The following GSN variants were observed in gnomAD, a reference collection of about 807,000 sequenced individuals.
GSN encodes the protein gelsolin, also known as actin-depolymerizing factor.
A neutral mutation model predicts 85.7 loss-of-function variants in GSN; 56 were observed. That is an observed-to-expected ratio of 0.65 (90% CI 0.53 to 0.82). The LOEUF is 0.82. GSN is among the 40% of genes least tolerant of loss of function. The pLI is 0.00. For synonymous variants in GSN, 373 were observed against 399.1 expected (o/e 0.93, Z 0.78); for missense variants, 857 against 979.8 (o/e 0.87, Z 1.67).
At position 121,302,148 on chromosome 9, in the gene GSN, T is replaced by C. The variant is rs2133211368; in HGVS notation, c.177T>C (p.Tyr59=). 12 of 1,614,142 alleles carry C rather than the reference T, an allele frequency of 7.4e-6. No homozygotes were observed. Among genetic ancestry groups the C allele is most frequent in the Admixed American group, 1.7e-5 (1 of 60,034 alleles). The change falls in exon 3 of 18, where the codon TAT becomes TAC. Residue 59 remains tyrosine, a synonymous_variant. Transcript: ENST00000432226. The part of the protein sequence containing the change: ...TVQLRNGNLQ[Y]DLHYWLGNEC... ...AGCTGAGGAACGGAAATCTGCAGTA[T>C]GACCTCCACTACTGGCTGGGTGAGG...
chr9:121,202,196 G>A, the GSN span, among the ~76,000 whole-genome samples: 4 of 152,254 alleles, frequency 2.6e-5, no homozygotes, highest in Non-Finnish European at 5.9e-5. Context: ...TAGGGTTGTC[G>A]CTCGTGGAGA....
At chr9:121,314,964 C>T (rs1386029291) in intron 7 of GSN, among the ~76,000 whole-genome samples, 1 of 152,164 alleles carries the variant, frequency 6.6e-6, no homozygotes, top group Non-Finnish European at 1.5e-5. Flanking sequence ...CGGGCTCAAG[C>T]GATCTCTTGC....
intron 6 of GSN, among the ~76,000 whole-genome samples, chr9:121,252,102 A>G (rs2054851250): frequency 6.6e-6 from 1 of 152,248 alleles, no homozygotes; most frequent in Admixed American, 6.5e-5. Flanking sequence ...AGTCAGTCCC[A>G]TAGAACTTAA....
intron 4 of GSN, among the ~76,000 whole-genome samples, chr9:121,229,405 A>C (rs1457526696): frequency 6.6e-6 from 1 of 152,000 alleles, no homozygotes; most frequent in East Asian, 1.9e-4. Flanking sequence ...TTTTTAGTAG[A>C]GTTGGGGTTT....
rs767484600 is a variant in GSN, at chr9:121,303,022, C to T, written c.308C>T (p.Ser103Leu). 6.2e-6 allele frequency: 10 copies of T among 1,613,750 alleles called. No individual in the cohort carries two copies. The East Asian group carries it at 1.1e-4, about 18-fold the overall frequency. ...CACCGTGAGGTCCAGGGCTTCGAGT[C>T]GGCCACCTTCCTAGGCTACTTCAAG... ...VQHREVQGFESATFLGYFKSG... is the reference protein window; with the variant it reads ...VQHREVQGFELATFLGYFKSG... Residue 103 changes from serine to leucine, a missense_variant, in exon 4 of 18, where the codon TCG becomes TTG. Transcript: ENST00000432226.
chr9:121,327,513 T>G (rs2063369483), intron 14 of GSN, 31 bp downstream of exon 14: 1 of 1,524,000 alleles, frequency 6.6e-7, no homozygotes, highest in South Asian at 1.2e-5. Flanking sequence ...CCTGCTGCTG[T>G]CCGGATGCAG....
intron 5 of GSN, among the ~76,000 whole-genome samples, chr9:121,240,775 G>A (rs1410897732): frequency 6.6e-6 from 1 of 152,204 alleles, no homozygotes; most frequent in African/African-American, 2.4e-5. Flanking sequence ...AGGTGAAACC[G>A]CAGGAGTTTG....
At chr9:121,298,996 C>T (rs1425927669) in intron 2 of GSN, among the ~76,000 whole-genome samples, 1 of 152,148 alleles carries the variant, frequency 6.6e-6, no homozygotes, top group Non-Finnish European at 1.5e-5. Context: ...AACAAAACAA[C>T]TTCAGGAAGT....
At chr9:121,209,414 GC>G (rs1279432865) in intron 2 of GSN, 1 of 150,274 alleles carries the variant, frequency 6.7e-6, no homozygotes, top group African/African-American at 2.5e-5. Context: ...AAAGAGTGGG[GC>G]TTGGAATTAG....
intron 4 of GSN, among the ~76,000 whole-genome samples, chr9:121,304,559 T>C (rs1349015949): frequency 6.6e-6 from 1 of 152,200 alleles, no homozygotes; most frequent in Non-Finnish European, 1.5e-5. Flanking sequence ...GGGCAAGTCT[T>C]GTATCTTTGG....
intron 1 of GSN, among the ~76,000 whole-genome samples, chr9:121,274,959 A>G (rs2056487747): frequency 6.6e-6 from 1 of 152,230 alleles, no homozygotes; most frequent in African/African-American, 2.4e-5. Flanking sequence ...GGCCAAGCAA[A>G]TAATCTGTGT....
chr9:121,331,056 C>T (rs1177997042), intron 16 of GSN, among the ~76,000 whole-genome samples: 2 of 152,182 alleles, frequency 1.3e-5, no homozygotes, highest in Non-Finnish European at 2.9e-5. Flanking sequence ...AAAGGGGCAG[C>T]TCCTGCGCAG....
At chr9:121,205,096 CA>C (rs1301786740), upstream of GSN, among the ~76,000 whole-genome samples, 2 of 151,262 alleles carry the variant, frequency 1.3e-5, no homozygotes, top group African/African-American at 2.4e-5. Flanking sequence ...TACCTTCTAG[CA>C]GGGAATTTGA....
intron 4 of GSN, among the ~76,000 whole-genome samples, chr9:121,211,655 C>A (rs1382285550): frequency 6.6e-6 from 1 of 152,054 alleles, no homozygotes; most frequent in African/African-American, 2.4e-5. Flanking sequence ...GGTAGCTTCC[C>A]CTCTCTGGGC....
At chr9:121,292,835 C>A (rs920480002) in intron 2 of GSN, among the ~76,000 whole-genome samples, 1 of 152,210 alleles carries the variant, frequency 6.6e-6, no homozygotes, top group Non-Finnish European at 1.5e-5. Flanking sequence ...CACCTGCCCC[C>A]TTTTGTCTTT....
Position 121,299,933 on chromosome 9 carries a change from C to A in GSN, c.-9-2030C>A, listed in dbSNP as rs561626336. 1.6e-6 allele frequency: 2 copies of A among 1,261,402 alleles called. No individual in the cohort carries two copies. The highest frequency in any genetic ancestry group is 3.1e-5 in the African/African-American group (2 of 63,798). The allele number at this position is 1,261,402 out of a possible 1,614,324, so 78.1% of individuals were successfully genotyped here. A position where few individuals can be genotyped will look rare whatever the true frequency, so the allele number is the denominator to read the frequency against. ...TGGCGCTGTGCGCGCTGTCGCTGCC[C>A]GTCCGCGCGGCCACTGCGTCGCGGG... On this transcript the variant is annotated intron_variant, in intron 2 of 17. Coordinates refer to ENST00000432226, the MANE Select transcript of GSN (RefSeq NM_198252.3). The surrounding 1 kb of genome is among the most constrained non-coding windows in gnomAD (Gnocchi z 4.2).
At chr9:121,254,976 G>GTC (rs1008201080) in intron 6 of GSN, among the ~76,000 whole-genome samples, 16 of 152,026 alleles carry the variant, frequency 1.1e-4, no homozygotes, top group African/African-American at 3.9e-4. Context: ...TTGAGACAGA[G>GTC]TCTCTCTCTG....
At chr9:121,281,850 T>C in intron 2 of GSN, 1 of 471,210 alleles carries the variant, frequency 2.1e-6, no homozygotes, top group Non-Finnish European at 4.4e-6. Context: ...TATGTGACTT[T>C]AGGAGAGTTG....
rs957381217 is a variant in GSN, at chr9:121,324,663, C to G, written c.1416+19C>G. On this transcript the variant is annotated intron_variant, in intron 12 of 17. Coordinates refer to ENST00000432226, the MANE Select transcript of GSN (RefSeq NM_198252.3). ...TGTCCAGGTGAGCCCAGCCCACCGC[C>G]TCTCTGGGCTGCAGCCTGAGCCTTG... is the stretch of plus-strand genomic sequence containing the variant. The G allele has an allele frequency of 4.8e-6, 6 of 1,239,008 alleles. No individual in the cohort carries two copies. The Admixed American group carries it at 9.9e-5, about 20-fold the overall frequency. 76.8% of individuals were successfully genotyped at this position (1,239,008 alleles called of 1,614,324 possible).
Sources: allele counts gnomAD v4.1 joint callset (sites outside exome capture counted in the v4.1 genomes callset), GRCh38; gene constraint gnomAD v4.1.1; non-coding constraint Gnocchi (gnomAD v3.1); transcripts MANE v1.5; gene names NCBI Gene and HGNC (gene_info 2026-07-23, HGNC 2026-07-21).